PPP6R3: variants seen among roughly 807,000 people sequenced by gnomAD.
PPP6R3 encodes the protein protein phosphatase 6 regulatory subunit 3, also known as serine/threonine-protein phosphatase 6 regulatory subunit 3.
Under a neutral mutation model 110.7 loss-of-function variants are expected in PPP6R3, and 38 were observed. The observed-to-expected ratio is 0.34, with a 90% CI of 0.26 to 0.45. The LOEUF is 0.45. Ranked by LOEUF, PPP6R3 falls within the 20% of genes least tolerant of loss-of-function variation. PPP6R3 has a pLI of 1.00. For missense variants in PPP6R3, 870 were observed against 1,062.4 expected (o/e 0.82, Z 2.52); for synonymous variants, 369 against 373.5 (o/e 0.99, Z 0.14).
rs573991833 is a variant in PPP6R3 at position 68,596,081 on chromosome 11, T to G, written c.1917-16T>G. The G allele has an allele frequency of 9.4e-5, 151 of 1,614,042 alleles. 1 individual carries two copies. The South Asian group carries it at 1.5e-3, about 16-fold the overall frequency. On this transcript the variant is annotated splice_polypyrimidine_tract_variant and intron_variant, in intron 18 of 23. Coordinates refer to ENST00000393800, the MANE Select transcript of PPP6R3 (RefSeq NM_001164161.2). ...TGATAAGCAGTGTTAAATACTTGGGTCTTGTTTTTCCTTAGCTCGGGGAGT... is the reference window on the plus strand; with the variant it reads ...TGATAAGCAGTGTTAAATACTTGGGGCTTGTTTTTCCTTAGCTCGGGGAGT...
chr11:68,524,004 A>C (rs1281358288), intron 2 of PPP6R3, among the ~76,000 whole-genome samples: 1 of 152,084 alleles, frequency 6.6e-6, no homozygotes, highest in African/African-American at 2.4e-5. Context: ...TGTCAGCCCA[A>C]ATGTAGCCAT....
chr11:68,566,864 A>C (rs981331261), intron 9 of PPP6R3, 150 bp from the exon 10 acceptor site: 1 of 560,500 alleles, frequency 1.8e-6, no homozygotes, highest in South Asian at 4.0e-5. Flanking sequence ...TTGTATCTTA[A>C]AGATATCAAG....
At chr11:68,518,255 A>G (rs2099146734) in intron 1 of PPP6R3, among the ~76,000 whole-genome samples, 1 of 152,238 alleles carries the variant, frequency 6.6e-6, no homozygotes, top group African/African-American at 2.4e-5. Context: ...ATTTTAACCA[A>G]GTGATTGAAA....
chr11:68,604,878 G>C (rs1938618291), intron 22 of PPP6R3, among the ~76,000 whole-genome samples: 1 of 152,106 alleles, frequency 6.6e-6, no homozygotes. Context: ...TAGCATTTCT[G>C]AACAAGTTAG....
chr11:68,600,431 A>G lies in PPP6R3; in HGVS notation c.2129A>G (p.Glu710Gly). ...DSVGSDVWSTEEPMPTKETGW... is the reference protein window; with the variant it reads ...DSVGSDVWSTGEPMPTKETGW... ...GTGGGATCTGATGTCTGGAGCACAG[A>G]GGAGCCGATGCCAACTAAAGAGACG... is the stretch of plus-strand genomic sequence containing the variant. Residue 710 changes from glutamate to glycine, a missense_variant, in exon 20 of 24, where the codon GAG becomes GGG. Physicochemically the swap from Glu to Gly is moderately conservative, Grantham distance 98. Coordinates refer to ENST00000393800, the MANE Select transcript of PPP6R3 (RefSeq NM_001164161.2). 1 of 1,614,172 alleles carries G rather than the reference A, an allele frequency of 6.2e-7. No individual in the cohort carries two copies. The highest frequency in any genetic ancestry group is 8.5e-7 in the Non-Finnish European group (1 of 1,180,024).
intron 2 of PPP6R3, among the ~76,000 whole-genome samples, chr11:68,524,711 T>G (rs974468984): frequency 2.0e-5 from 3 of 152,216 alleles, no homozygotes; most frequent in African/African-American, 7.2e-5. Context: ...TTTTCTTGTT[T>G]CGTTGTGTCA....
intron 1 of PPP6R3, among the ~76,000 whole-genome samples, chr11:68,510,770 T>G (rs2099104822): frequency 6.6e-6 from 1 of 152,186 alleles, no homozygotes; most frequent in Non-Finnish European, 1.5e-5. Flanking sequence ...CTGGAGATAG[T>G]GTAATACTTT....
intron 1 of PPP6R3, among the ~76,000 whole-genome samples, chr11:68,468,767 A>C (rs980683668): frequency 1.3e-5 from 2 of 152,212 alleles, no homozygotes; most frequent in African/African-American, 4.8e-5. Context: ...TGTGAATATG[A>C]ATATAACATT....
At chr11:68,474,076 T>C (rs2153276024) in intron 1 of PPP6R3, among the ~76,000 whole-genome samples, 1 of 150,528 alleles carries the variant, frequency 6.6e-6, no homozygotes, top group East Asian at 2.0e-4. Context: ...AAGGTCTTGC[T>C]CTGTCACCTA....
intron 1 of PPP6R3, among the ~76,000 whole-genome samples, chr11:68,514,531 T>G (rs2099126483): frequency 6.6e-6 from 1 of 152,230 alleles, no homozygotes; most frequent in Admixed American, 6.5e-5. Flanking sequence ...TATTTTATTG[T>G]GTAAAGTGAC....
At chr11:68,548,665 C>A (rs2099358729) in intron 5 of PPP6R3, among the ~76,000 whole-genome samples, 1 of 152,150 alleles carries the variant, frequency 6.6e-6, no homozygotes. Context: ...AGAAGTAATT[C>A]TCTTCTCATG....
At chr11:68,585,253 G>T (rs1200837424) in intron 15 of PPP6R3, among the ~76,000 whole-genome samples, 2 of 152,172 alleles carry the variant, frequency 1.3e-5, no homozygotes, top group East Asian at 3.9e-4. Flanking sequence ...AGGCCCCCAT[G>T]GAGGTCTGGA....
intron 1 of PPP6R3, among the ~76,000 whole-genome samples, chr11:68,498,697 T>G (rs1592085661): frequency 6.6e-6 from 1 of 152,362 alleles, no homozygotes; most frequent in East Asian, 1.9e-4. Flanking sequence ...CTTCACAAAA[T>G]TTTGTCATAT....
At chr11:68,538,002 T>TAA in intron 3 of PPP6R3, 111 bp downstream of exon 3, 1 of 815,114 alleles carries the variant, frequency 1.2e-6, no homozygotes, top group Non-Finnish European at 1.9e-6. Flanking sequence ...TACAGAAGGG[T>TAA]AAGATAGTCA....
intron 1 of PPP6R3, among the ~76,000 whole-genome samples, chr11:68,493,982 A>G (rs878986246): frequency 3.3e-5 from 5 of 151,568 alleles, no homozygotes. Flanking sequence ...GGGAGCCTGT[A>G]GTCCCAGCTA....
At chr11:68,476,308 C>A (rs960195841) in intron 1 of PPP6R3, among the ~76,000 whole-genome samples, 1 of 152,250 alleles carries the variant, frequency 6.6e-6, no homozygotes, top group South Asian at 2.1e-4. Context: ...CAAAAAAATA[C>A]GAAAACCAGT....
chr11:68,540,009 TG>T (rs2099303184), intron 3 of PPP6R3, among the ~76,000 whole-genome samples: 1 of 152,036 alleles, frequency 6.6e-6, no homozygotes, highest in Non-Finnish European at 1.5e-5. Flanking sequence ...CAAGAACATC[TG>T]GGCAGCCAGA....
At chr11:68,608,243 G>T (rs549034077) in intron 22 of PPP6R3, among the ~76,000 whole-genome samples, 53 of 152,180 alleles carry the variant, frequency 3.5e-4, no homozygotes, top group African/African-American at 1.3e-3. Context: ...GTAAGAAGAA[G>T]AAAACCCAAA....
chr11:68,570,319 C>G (rs2099498582), intron 11 of PPP6R3, among the ~76,000 whole-genome samples: 1 of 152,204 alleles, frequency 6.6e-6, no homozygotes, highest in African/African-American at 2.4e-5. Context: ...TTCCTGGGGT[C>G]TCTTTTTCTC....
Sources: allele counts gnomAD v4.1 joint callset (sites outside exome capture counted in the v4.1 genomes callset), GRCh38; gene constraint gnomAD v4.1.1; transcripts MANE v1.5; gene names NCBI Gene and HGNC (gene_info 2026-07-23, HGNC 2026-07-21).